PHF12: variants seen among roughly 807,000 people sequenced by gnomAD.
PHF12 encodes the protein PHD factor 1.
PHF12 carries 6 observed loss-of-function variants against 99.8 expected under a neutral mutation model. The ratio of observed to expected loss-of-function variants is 0.06; its 90% CI spans 0.03 to 0.12. The LOEUF is 0.12. Ranked by LOEUF, PHF12 falls within the 10% of genes least tolerant of loss-of-function variation. The pLI, the probability that PHF12 is intolerant of heterozygous loss-of-function variation, is 1.00. For synonymous variants in PHF12, 480 were observed against 514.9 expected, an observed-to-expected ratio of 0.93 and a Z score of 0.92; for missense variants, 954 against 1,300.1, an observed-to-expected ratio of 0.73 and a Z score of 4.09.
Position 28,908,478 on chromosome 17 carries a change from C to A in PHF12, c.2458+305G>T, listed in dbSNP as rs561369839. ...TGGGACTATAGGCATGTTAGCCCAG[C>A]TAATTTTTTATATTTGTTTTTGGTA... On this transcript the variant is annotated intron_variant, in intron 12 of 14. Coordinates refer to ENST00000332830, the MANE Select transcript of PHF12 (RefSeq NM_001033561.2). The A allele has an allele frequency of 1.3e-5, 4 of 316,998 alleles. No individual in the cohort carries two copies. In the South Asian group the frequency reaches 1.4e-4, roughly 11 times the overall value. 19.6% of individuals were successfully genotyped at this position (316,998 alleles called of 1,614,324 possible).
At chr17:28,911,878 A>G (rs1455883904) in intron 9 of PHF12, among the ~76,000 whole-genome samples, 1 of 152,240 alleles carries the variant, frequency 6.6e-6, no homozygotes, top group Non-Finnish European at 1.5e-5. Flanking sequence ...ACAGTAGGCC[A>G]AGTACAGACC....
At chr17:28,936,908 C>G (rs1402736310) in intron 2 of PHF12, among the ~76,000 whole-genome samples, 2 of 152,204 alleles carry the variant, frequency 1.3e-5, no homozygotes, top group African/African-American at 4.8e-5. Flanking sequence ...CCTACTCTCC[C>G]TCAGACTGGC....
rs754028609 is a variant in PHF12, at chr17:28,913,933, T to C, written c.1239A>G (p.Ser413=). The change falls in exon 8 of 15, where the codon TCA becomes TCG. Residue 413 remains serine, a synonymous_variant. Coordinates refer to ENST00000332830, the MANE Select transcript of PHF12 (RefSeq NM_001033561.2). ...ELICNGIPEE[S]QMHLLNSEHL... ...GCTCAGAGTTCAAAAGGTGCATCTG[T>C]GATTCCTCAGGGATCCCATTGCAGA... 1.3e-5 allele frequency: 21 copies of C among 1,613,550 alleles called. No homozygotes were observed. In the Admixed American group the frequency reaches 1.3e-4, roughly 10 times the overall value.
intron 2 of PHF12, chr17:28,927,899 T>G (rs1257612603): frequency 1.3e-5 from 2 of 152,170 alleles, no homozygotes; most frequent in African/African-American, 4.8e-5. Context: ...TCACTCGAGA[T>G]CAGGAGTTCA....
intron 9 of PHF12, 171 bp from the exon 10 acceptor site, chr17:28,911,408 G>GCAGATGGAA (rs1417459685): frequency 2.2e-6 from 2 of 899,312 alleles, no homozygotes; most frequent in Admixed American, 5.8e-5. Flanking sequence ...GTGAGGAAGG[G>GCAGATGGAA]CAGATGGAAC....
chr17:28,925,958 C>G (rs1227070773), intron 3 of PHF12: 1 of 152,214 alleles, frequency 6.6e-6, no homozygotes, highest in Non-Finnish European at 1.5e-5. Flanking sequence ...CTGGCAGGTG[C>G]CTCTAACAGG....
At chr17:28,907,856 C>G (rs2039896856) in intron 12 of PHF12, 184 bp from the exon 13 acceptor site, 1 of 514,898 alleles carries the variant, frequency 1.9e-6, no homozygotes, top group Non-Finnish European at 3.5e-6. Context: ...TTCCAAGCTC[C>G]TGATAAAGAA....
Position 28,951,509 on chromosome 17 carries a change from G to T in PHF12, c.-549C>A, listed in dbSNP as rs536291265. ...CCACCCGCGCAGGCGCCCCGGGATCGGCGCTCGCCGCGCGCAACCGCAGTG... is the reference window on the plus strand; with the variant it reads ...CCACCCGCGCAGGCGCCCCGGGATCTGCGCTCGCCGCGCGCAACCGCAGTG... On this transcript the variant is annotated 5_prime_UTR_variant, in exon 1 of 15. Transcript: ENST00000332830. 2.7e-5 allele frequency: 26 copies of T among 980,716 alleles called. No individual in the cohort carries two copies. The African/African-American group carries it at 4.3e-4, about 16-fold the overall frequency. The allele number at this position is 980,716 out of a possible 1,614,324, so 60.8% of individuals were successfully genotyped here.
rs34310397 is a variant in PHF12, at chr17:28,941,039, CTTTTTT to C, written c.248+9020_248+9025del. On this transcript the variant is annotated intron_variant, in intron 2 of 14. Coordinates refer to ENST00000332830, the MANE Select transcript of PHF12 (RefSeq NM_001033561.2). ...AGCCCAGTGGAGGGGGGAAAACAGA[CTTTTTT>C]TTTTTTTTTTTTCCTGTTCTGGTGA... Among the ~76,000 whole-genome samples the C allele has an allele frequency of 3.4e-4, 45 of 134,320 alleles. 1 individual carries two copies. The highest frequency in any genetic ancestry group is 1.2e-3 in the African/African-American group (43 of 36,552). The allele number at this position is 134,320 out of a possible 152,430, so 88.1% of individuals were successfully genotyped here.
Position 28,950,467 on chromosome 17 carries a change from G to A in PHF12, c.67-221C>T. 2 of 594,542 alleles carry A rather than the reference G, an allele frequency of 3.4e-6. No homozygotes were observed. Among genetic ancestry groups the A allele is most frequent in the South Asian group, 4.1e-5 (2 of 49,136 alleles). 36.8% of individuals were successfully genotyped at this position (594,542 alleles called of 1,614,324 possible). On this transcript the variant is annotated intron_variant, in intron 1 of 14. Transcript: ENST00000332830. The surrounding 1 kb of genome is among the most constrained non-coding windows in gnomAD (Gnocchi z 5.7). ...ACGAGAACAGCTTCTTCCAAATGGG[G>A]AGGATCAAGGGTAGGGGGATGGGAA...
Position 28,913,903 on chromosome 17 carries a change from T to C in PHF12, c.1269A>G (p.Leu423=). 6.2e-7 allele frequency: 1 copy of C among 1,610,276 alleles called. No individual in the cohort carries two copies. The highest frequency in any genetic ancestry group is 8.5e-7 in the Non-Finnish European group (1 of 1,177,096). ...CCTCTTGCTGCTCTGCTTGGGTGGC[T>C]AAGTGCTCAGAGTTCAAAAGGTGCA... ...SQMHLLNSEH[L]ATQAEQQEWL... The change falls in exon 8 of 15, where the codon TTA becomes TTG. Residue 423 remains leucine, a synonymous_variant. Transcript: ENST00000332830.
Position 28,950,952 on chromosome 17 carries a change from C to A in PHF12, c.9G>T (p.Glu3Asp), listed in dbSNP as rs779375788. The change falls in exon 1 of 15, where the codon GAG becomes GAT. Residue 3 changes from glutamate to aspartate, a missense_variant. By Grantham distance (45) the Glu-to-Asp change is conservative (BLOSUM62 2). This residue lies in a region of PHF12 where 66 missense variants were observed against 69.4 expected (regional missense o/e 0.95). Coordinates refer to ENST00000332830, the MANE Select transcript of PHF12 (RefSeq NM_001033561.2). The surrounding 1 kb of genome is among the most constrained non-coding windows in gnomAD (Gnocchi z 5.7). MW[E>D]KMETKTIVYD... is the part of the protein sequence containing the mutation. The stretch of plus-strand genomic sequence containing the variant: ...ACACGATCGTCTTGGTCTCCATTTT[C>A]TCCCACATTCATCCACCTCCCGGGC... The A allele has an allele frequency of 1.2e-6, 2 of 1,614,016 alleles. No individual in the cohort carries two copies. Among genetic ancestry groups the A allele is most frequent in the Admixed American group, 3.3e-5 (2 of 60,010 alleles).
chr17:28,943,890 A>G (rs1427847847), intron 2 of PHF12, among the ~76,000 whole-genome samples: 5 of 152,374 alleles, frequency 3.3e-5, no homozygotes, highest in Admixed American at 3.3e-4. Flanking sequence ...AATTTTAGGT[A>G]TCACTTGTAC....
chr17:28,931,706 C>T (rs2040411007), intron 2 of PHF12, among the ~76,000 whole-genome samples: 1 of 151,544 alleles, frequency 6.6e-6, no homozygotes, highest in Non-Finnish European at 1.5e-5. Flanking sequence ...CTCAGCCTCC[C>T]GAGTAGCTGG....
chr17:28,926,641 G>T, intron 3 of PHF12: 1 of 558,012 alleles, frequency 1.8e-6, no homozygotes, highest in Non-Finnish European at 2.8e-6. Context: ...CCTGGGGTGA[G>T]AGAAAACTCC....
chr17:28,907,471 A>G, intron 13 of PHF12, 119 bp downstream of exon 13: 1 of 919,024 alleles, frequency 1.1e-6, no homozygotes, highest in South Asian at 1.5e-5. Flanking sequence ...CAGGGAGGGA[A>G]GAAAAAGAGA....
rs554409714 is a variant in PHF12 at position 28,945,962 on chromosome 17, T to C, written c.248+4103A>G. Among the ~76,000 whole-genome samples the C allele has an allele frequency of 2.0e-5, 3 of 152,252 alleles. No homozygotes were observed. The East Asian group carries it at 5.8e-4, about 29-fold the overall frequency. ...CAGCCTGACCAACACGGTGAAACCCTGTCTCTACTAAAAATACAAGAAAAT... is the reference window on the plus strand; with the variant it reads ...CAGCCTGACCAACACGGTGAAACCCCGTCTCTACTAAAAATACAAGAAAAT... On this transcript the variant is annotated intron_variant, in intron 2 of 14. Transcript: ENST00000332830.
Position 28,950,672 on chromosome 17 carries a change from G to T in PHF12, c.66+223C>A. ...CGAGATGGAGTGGGCTGGCGCCTCG[G>T]GAGAGCGAATCGAGGGCGGCGGGTA... On this transcript the variant is annotated intron_variant, in intron 1 of 14. Coordinates refer to ENST00000332830, the MANE Select transcript of PHF12 (RefSeq NM_001033561.2). This position sits in a 1 kb window ranked among gnomAD's most constrained non-coding sequence, Gnocchi z 5.7. The T allele has an allele frequency of 1.6e-6, 1 of 621,822 alleles. No homozygotes were observed. The highest frequency in any genetic ancestry group is 2.6e-6 in the Non-Finnish European group (1 of 384,212). 38.5% of individuals were successfully genotyped at this position (621,822 alleles called of 1,614,324 possible). A position where few individuals can be genotyped will look rare whatever the true frequency, so the allele number is the denominator to read the frequency against.
Position 28,950,654 on chromosome 17 carries a change from G to A in PHF12, c.66+241C>T, listed in dbSNP as rs1030963982. 2 of 579,274 alleles carry A rather than the reference G, an allele frequency of 3.5e-6. No individual in the cohort carries two copies. Among genetic ancestry groups the A allele is most frequent in the African/African-American group, 3.8e-5 (2 of 52,530 alleles). 35.9% of individuals were successfully genotyped at this position (579,274 alleles called of 1,614,324 possible). On this transcript the variant is annotated intron_variant, in intron 1 of 14. Transcript: ENST00000332830. The surrounding 1 kb of genome is among the most constrained non-coding windows in gnomAD (Gnocchi z 5.7). ...GGAGGCCTGCCGGTGCAACGAGATG[G>A]AGTGGGCTGGCGCCTCGGGAGAGCG...
Sources: allele counts gnomAD v4.1 joint callset (sites outside exome capture counted in the v4.1 genomes callset), GRCh38; gene constraint gnomAD v4.1.1; regional missense constraint gnomAD v4.1.1; non-coding constraint Gnocchi (gnomAD v3.1); transcripts MANE v1.5; gene names NCBI Gene and HGNC (gene_info 2026-07-23, HGNC 2026-07-21).